Variants in MTMR12 observed in about 807,000 individuals in gnomAD.
MTMR12 encodes myotubularin-related protein 12.
Under a neutral mutation model 96.7 loss-of-function variants are expected in MTMR12, and 33 were observed. The ratio of observed to expected loss-of-function variants is 0.34; its 90% CI spans 0.26 to 0.46. The LOEUF is 0.46. MTMR12 is among the 20% of genes least tolerant of loss of function. MTMR12 has a pLI of 1.00. For synonymous variants in MTMR12, 298 were observed against 327.2 expected (o/e 0.91, Z 0.96); for missense variants, 721 against 896.1 (o/e 0.80, Z 2.49).
At chr5:32,276,548 T>C (rs2112094735) in intron 2 of MTMR12, 134 bp downstream of exon 2, 2 of 710,664 alleles carry the variant, frequency 2.8e-6, no homozygotes, top group Non-Finnish European at 4.7e-6. Context: ...AACCTTGATA[T>C]GTTTTTTCAA....
chr5:32,264,652 G>T (rs949727468), intron 6 of MTMR12, among the ~76,000 whole-genome samples: 1 of 151,890 alleles, frequency 6.6e-6, no homozygotes, highest in Non-Finnish European at 1.5e-5. Flanking sequence ...GTAGAGACGG[G>T]GTTTCACCAT....
intron 6 of MTMR12, among the ~76,000 whole-genome samples, chr5:32,268,265 T>G (rs1303599329): frequency 6.6e-6 from 1 of 152,046 alleles, no homozygotes; most frequent in African/African-American, 2.4e-5. Flanking sequence ...CCCAGCACTT[T>G]GGGAGGCCGA....
chr5:32,233,365 T>C lies in MTMR12; in HGVS notation c.1674+408A>G, dbSNP rs574099242. 6.6e-6 allele frequency among the ~76,000 whole-genome samples: 1 copy of C among 152,192 alleles called. No homozygotes were observed. Among genetic ancestry groups the C allele is most frequent in the Non-Finnish European group, 1.5e-5 (1 of 68,016 alleles). ...GCAACCTGTGGTTTACAGGCACAGC[T>C]CATTAAGAAAAGTCTTACTATTTAT... is the stretch of plus-strand genomic sequence containing the variant. On this transcript the variant is annotated intron_variant, in intron 15 of 15. Transcript: ENST00000382142. This position sits in a 1 kb window ranked among gnomAD's most constrained non-coding sequence, Gnocchi z 5.0.
At chr5:32,247,826 GA>G (rs1214758850) in intron 10 of MTMR12, 175 bp downstream of exon 10, 6 of 981,000 alleles carry the variant, frequency 6.1e-6, no homozygotes, top group East Asian at 2.3e-4. Context: ...AGCCTGGAGA[GA>G]GATGGAGAGG....
At chr5:32,240,634 T>A (rs934775059) in intron 12 of MTMR12, among the ~76,000 whole-genome samples, 1 of 152,180 alleles carries the variant, frequency 6.6e-6, no homozygotes, top group Admixed American at 6.5e-5. Context: ...AGAGTCTCAC[T>A]CTGTCACCCA....
Position 32,231,379 on chromosome 5 carries a change from C to T in MTMR12, c.1675-1032G>A, listed in dbSNP as rs188683824. Among the ~76,000 whole-genome samples, 1,045 of 113,424 alleles carry T rather than the reference C, an allele frequency of 9.2e-3. 19 individuals are homozygous for T. Among genetic ancestry groups the T allele is most frequent in the African/African-American group, 0.051 (965 of 18,738 alleles). 74.4% of individuals were successfully genotyped at this position (113,424 alleles called of 152,430 possible). On this transcript the variant is annotated intron_variant, in intron 15 of 15. Coordinates refer to ENST00000382142, the MANE Select transcript of MTMR12 (RefSeq NM_001040446.3). ...GGGCAATGACAGCAAAACTCTGGCT[C>T]GCAAAAAAAAAAAAAAAAAAAGGGT... is the stretch of plus-strand genomic sequence containing the variant.
At chr5:32,232,212 C>T (rs544210759) in intron 15 of MTMR12, among the ~76,000 whole-genome samples, 2 of 152,332 alleles carry the variant, frequency 1.3e-5, no homozygotes, top group Admixed American at 1.3e-4. Context: ...ACATGCTGCT[C>T]AGCCCCTGCT....
chr5:32,237,606 GT>G (rs1187372673), intron 13 of MTMR12, among the ~76,000 whole-genome samples: 8 of 152,076 alleles, frequency 5.3e-5, no homozygotes, highest in African/African-American at 1.9e-4. Flanking sequence ...TGCCTCCCGG[GT>G]TTAAGTGATT....
At chr5:32,304,740 A>C (rs1751286952) in intron 1 of MTMR12, among the ~76,000 whole-genome samples, 3 of 152,226 alleles carry the variant, frequency 2.0e-5, no homozygotes, top group Admixed American at 1.3e-4. Context: ...GTGCTCTTAG[A>C]CAGTGGCTGT....
At chr5:32,271,785 C>A in intron 4 of MTMR12, 48 bp downstream of exon 4, 1 of 1,131,422 alleles carries the variant, frequency 8.8e-7, no homozygotes, top group South Asian at 1.7e-5. Context: ...TCATTATCAC[C>A]TATACTCTCA....
intron 1 of MTMR12, among the ~76,000 whole-genome samples, chr5:32,286,443 G>C (rs1750542338): frequency 6.6e-6 from 1 of 152,000 alleles, no homozygotes; most frequent in Non-Finnish European, 1.5e-5. Flanking sequence ...GGGAGGATTG[G>C]TTGAAAGTTG....
chr5:32,262,174 GAA>G (rs1418724149), intron 7 of MTMR12, among the ~76,000 whole-genome samples: 3 of 152,272 alleles, frequency 2.0e-5, no homozygotes, highest in East Asian at 3.9e-4. Context: ...CAGTCTCTGT[GAA>G]AAAGTCTGTG....
intron 1 of MTMR12, 35 bp from the exon 2 acceptor site, chr5:32,276,777 T>C (rs770264398): frequency 6.4e-7 from 1 of 1,566,742 alleles, no homozygotes; most frequent in Non-Finnish European, 8.8e-7. Flanking sequence ...TTTTCTTTGT[T>C]TAAGGGTTTA....
chr5:32,236,292 A>G (rs1748225106), intron 13 of MTMR12, among the ~76,000 whole-genome samples: 1 of 152,170 alleles, frequency 6.6e-6, no homozygotes, highest in African/African-American at 2.4e-5. Flanking sequence ...TCATGTGTGT[A>G]TTTCCAGCAC....
At chr5:32,295,139 C>T (rs1431607631) in intron 1 of MTMR12, among the ~76,000 whole-genome samples, 1 of 152,210 alleles carries the variant, frequency 6.6e-6, no homozygotes, top group Non-Finnish European at 1.5e-5. Flanking sequence ...CACTCCTGGC[C>T]AGAAGGCTTG....
intron 8 of MTMR12, among the ~76,000 whole-genome samples, chr5:32,250,410 C>CT (rs1186361109): frequency 1.3e-5 from 2 of 152,216 alleles, no homozygotes; most frequent in African/African-American, 4.8e-5. Context: ...CCAAGCCACA[C>CT]TTTAAGATTC....
chr5:32,249,102 T>C (rs1251989646), intron 8 of MTMR12, among the ~76,000 whole-genome samples: 1 of 152,238 alleles, frequency 6.6e-6, no homozygotes, highest in Non-Finnish European at 1.5e-5. Flanking sequence ...ACTTATGGTC[T>C]AACATATACC....
In MTMR12 at chr5:32,227,847, G is replaced by A. The variant is rs1024906693; in HGVS notation, c.*1931C>T. ...AGACGGAACATGTGTTTGGCCCCCA[G>A]ATGCACGAATCCTGCCCTCCCCTCA... is the stretch of plus-strand genomic sequence containing the variant. On this transcript the variant is annotated 3_prime_UTR_variant, in exon 16 of 16. Transcript: ENST00000382142. 6.5e-6 allele frequency: 1 copy of A among 152,744 alleles called. No homozygotes were observed. The highest frequency in any genetic ancestry group is 1.5e-5 in the Non-Finnish European group (1 of 68,142). The allele number at this position is 152,744 out of a possible 1,614,324, so 9.5% of individuals were successfully genotyped here. A position where few individuals can be genotyped will look rare whatever the true frequency, so the allele number is the denominator to read the frequency against.
At chr5:32,265,563 TA>T (rs1749555987) in intron 6 of MTMR12, among the ~76,000 whole-genome samples, 1 of 152,224 alleles carries the variant, frequency 6.6e-6, no homozygotes, top group Non-Finnish European at 1.5e-5. Context: ...GTATATGTCA[TA>T]TTGCCACAAA....
Sources: gnomAD v4.1 joint callset for allele counts (sites outside exome capture counted in the v4.1 genomes callset) on GRCh38, gnomAD v4.1.1 for gene constraint, Gnocchi (gnomAD v3.1) non-coding constraint, MANE v1.5 for transcripts, NCBI Gene and HGNC (gene_info 2026-07-23, HGNC 2026-07-21) for gene names.